IGSF6: variants seen among roughly 807,000 people sequenced by gnomAD.
IGSF6 encodes down-regulated by activation (immunoglobulin superfamily).
In IGSF6, 23 loss-of-function variants were observed where a neutral mutation model predicts 24.7. The ratio of observed to expected loss-of-function variants is 0.93; its 90% CI spans 0.67 to 1.32. The LOEUF (loss-of-function observed/expected upper bound fraction) is 1.32, where lower values mean the gene tolerates loss of function less well. IGSF6 is among the 40% of genes most tolerant of loss of function. IGSF6 has a pLI of 0.00. For synonymous variants in IGSF6, 110 were observed against 113.7 expected (o/e 0.97, Z 0.21); for missense variants, 295 against 293.6 (o/e 1.00, Z -0.04).
Position 21,640,596 on chromosome 16 carries a change from C to CAAAAAA in IGSF6, c.*932_*937dup, listed in dbSNP as rs368761095. On this transcript the variant is annotated 3_prime_UTR_variant, in exon 6 of 6. Coordinates refer to ENST00000268389, the MANE Select transcript of IGSF6 (RefSeq NM_005849.4). ...TGAAACCCCGTCTCTACTAAAAATA[C>CAAAAAA]AAAAAAAAAAAAAAAAAAAAATTAG... 1 of 65,586 alleles carries CAAAAAA rather than the reference C, an allele frequency of 1.5e-5. No individual in the cohort carries two copies. The highest frequency in any genetic ancestry group is 3.3e-5 in the Non-Finnish European group (1 of 30,448). The allele number at this position is 65,586 out of a possible 1,614,324, so 4.1% of individuals were successfully genotyped here.
In IGSF6 at chr16:21,641,414, G is replaced by T. The variant is rs1966264201; in HGVS notation, c.*120C>A. 2.0e-6 allele frequency: 1 copy of T among 490,536 alleles called. No homozygotes were observed. Among genetic ancestry groups the T allele is most frequent in the South Asian group, 4.2e-5 (1 of 23,554 alleles). The allele number at this position is 490,536 out of a possible 1,614,324, so 30.4% of individuals were successfully genotyped here. On this transcript the variant is annotated 3_prime_UTR_variant, in exon 6 of 6. Coordinates refer to ENST00000268389, the MANE Select transcript of IGSF6 (RefSeq NM_005849.4). ...TTACATTCTGACATCCTTCTTTGTA[G>T]CCAGTTGTCTTTTCAGTTTACCTTT...
chr16:21,645,977 C>T (rs1044116285), intron 2 of IGSF6, among the ~76,000 whole-genome samples: 7 of 152,178 alleles, frequency 4.6e-5, no homozygotes, highest in Admixed American at 1.3e-4. Flanking sequence ...TGGATGGTCT[C>T]CCTTCCTCAG....
chr16:21,642,768 A>G (rs941670318), intron 5 of IGSF6, among the ~76,000 whole-genome samples: 2 of 152,228 alleles, frequency 1.3e-5, no homozygotes, highest in Non-Finnish European at 2.9e-5. Flanking sequence ...GATACTGTAC[A>G]GAGTAGCTTT....
intron 1 of IGSF6, among the ~76,000 whole-genome samples, chr16:21,649,196 T>C (rs1966506023): frequency 6.6e-6 from 1 of 152,138 alleles, no homozygotes; most frequent in Non-Finnish European, 1.5e-5. Context: ...TTTCACCTTG[T>C]TACCTAGGCT....
intron 3 of IGSF6, 28 bp downstream of exon 3, chr16:21,644,262 A>G (rs1966359481): frequency 1.4e-6 from 2 of 1,415,200 alleles, no homozygotes; most frequent in East Asian, 2.3e-5. Flanking sequence ...GGATATAGGG[A>G]CATTCCATGC....
rs1486595050 is a variant in IGSF6 at position 21,640,796 on chromosome 16, A to G, written c.*738T>C. The stretch of plus-strand genomic sequence containing the variant: ...AAAAAAAAAAAAGAAAAGAAAAAAA[A>G]TCAGTATTACAAACGTGCTTGTAAA... On this transcript the variant is annotated 3_prime_UTR_variant, in exon 6 of 6. Coordinates refer to ENST00000268389, the MANE Select transcript of IGSF6 (RefSeq NM_005849.4). 1 of 151,690 alleles carries G rather than the reference A, an allele frequency of 6.6e-6. No homozygotes were observed. Among genetic ancestry groups the G allele is most frequent in the African/African-American group, 2.4e-5 (1 of 41,296 alleles). The allele number at this position is 151,690 out of a possible 1,614,324, so 9.4% of individuals were successfully genotyped here.
intron 1 of IGSF6, among the ~76,000 whole-genome samples, chr16:21,650,961 T>C (rs1032842108): frequency 7.9e-5 from 12 of 152,162 alleles, no homozygotes; most frequent in Non-Finnish European, 8.8e-5. Flanking sequence ...TGGTGGCTCA[T>C]GCCTGTAATC....
At chr16:21,648,459 A>G (rs1018790073) in intron 1 of IGSF6, among the ~76,000 whole-genome samples, 1 of 151,074 alleles carries the variant, frequency 6.6e-6, no homozygotes, top group African/African-American at 2.5e-5. Flanking sequence ...CGCCACTGCT[A>G]CTGTTCCCAC....
rs771307678 is a variant in IGSF6 at position 21,641,556 on chromosome 16, A to G, written c.704T>C (p.Leu235Pro). The change falls in exon 6 of 6, where the codon CTT (leucine) becomes CCT (proline). Residue 235 changes from leucine to proline, a missense_variant. By Grantham distance (98) the Leu-to-Pro change is moderately conservative (BLOSUM62 -3). Transcript: ENST00000268389. ...DNNTYENRRV[L>P]SNYERP ...TTTCTATGGCCTTTCATAGTTGGAA[A>G]GTACTCTTCTGTTTTCATAAGTGTT... 1.3e-6 allele frequency: 2 copies of G among 1,591,352 alleles called. No homozygotes were observed. The highest frequency in any genetic ancestry group is 1.7e-6 in the Non-Finnish European group (2 of 1,162,338).
rs189739425 is a variant in IGSF6 at position 21,647,413 on chromosome 16, T to C, written c.147A>G (p.Ile49Met). 240 of 1,614,058 alleles carry C rather than the reference T, an allele frequency of 1.5e-4. No individual in the cohort carries two copies. The East Asian group carries it at 3.7e-3, about 25-fold the overall frequency. The change falls in exon 2 of 6, where the codon ATA (isoleucine) becomes ATG (methionine). Residue 49 changes from isoleucine to methionine, a missense_variant. Physicochemically the swap from Ile to Met is conservative, Grantham distance 10 (BLOSUM62 1). Coordinates refer to ENST00000268389, the MANE Select transcript of IGSF6 (RefSeq NM_005849.4). ...ATCCGGTTGCGGAGAAGGTACACTTTATGGTGACGGCCTCATGAGTGTAGT... is the reference window on the plus strand; with the variant it reads ...ATCCGGTTGCGGAGAAGGTACACTTCATGGTGACGGCCTCATGAGTGTAGT... ...EVDYTHEAVT[I>M]KCTFSATGCP...
chr16:21,642,205 G>A (rs1234998113), intron 5 of IGSF6: 1 of 151,682 alleles, frequency 6.6e-6, no homozygotes, highest in Non-Finnish European at 1.5e-5. Flanking sequence ...TAAAAAAATC[G>A]CCTTATTTCA....
chr16:21,652,381 CAG>C lies in IGSF6; in HGVS notation c.67+149_67+150del. On this transcript the variant is annotated intron_variant, in intron 1 of 5. Transcript: ENST00000268389. Reference sequence around the variant, plus strand: ...AGCTATTTTTTTATTGTCTATTTCTCAGGGGAAAAAGGAAACTTATCCTCTTA... The same window carrying C: ...AGCTATTTTTTTATTGTCTATTTCTCGGGAAAAAGGAAACTTATCCTCTTA... 4 of 523,360 alleles carry C rather than the reference CAG, an allele frequency of 7.6e-6. No individual in the cohort carries two copies. In the South Asian group the frequency reaches 1.1e-4, roughly 15 times the overall value. 32.4% of individuals were successfully genotyped at this position (523,360 alleles called of 1,614,324 possible). A position where few individuals can be genotyped will look rare whatever the true frequency, so the allele number is the denominator to read the frequency against.
Position 21,652,516 on chromosome 16 carries a change from A to C in IGSF6, c.67+16T>G. On this transcript the variant is annotated intron_variant, in intron 1 of 5. Coordinates refer to ENST00000268389, the MANE Select transcript of IGSF6 (RefSeq NM_005849.4). ...GATTTAAATAAAATGAAGGAGGAGAAGAAAAAGAACCTTACCGACACAAAA... is the reference window on the plus strand; with the variant it reads ...GATTTAAATAAAATGAAGGAGGAGACGAAAAAGAACCTTACCGACACAAAA... 1 of 1,598,662 alleles carries C rather than the reference A, an allele frequency of 6.3e-7. No individual in the cohort carries two copies. The highest frequency in any genetic ancestry group is 8.5e-7 in the Non-Finnish European group (1 of 1,170,844).
intron 1 of IGSF6, among the ~76,000 whole-genome samples, chr16:21,651,136 T>C (rs527585701): frequency 3.5e-4 from 54 of 152,206 alleles, no homozygotes; most frequent in African/African-American, 1.3e-3. Context: ...GGCAGGAGAA[T>C]GGCGTGAACC....
chr16:21,644,319 C>T lies in IGSF6; in HGVS notation c.505G>A (p.Val169Met). The stretch of plus-strand genomic sequence containing the variant: ...GAGAGGAGTATGAAGGCCACGCACA[C>T]ACCGGTCACATAGACAGAGAGCAGT... ...VSLLSVYVTGVCVAFILLSKS... is the reference protein window; with the variant it reads ...VSLLSVYVTGMCVAFILLSKS... Residue 169 changes from valine to methionine, a missense_variant, in exon 3 of 6, where the codon GTG becomes ATG. By Grantham distance (21) the Val-to-Met change is conservative. Transcript: ENST00000268389. 2 of 1,613,822 alleles carry T rather than the reference C, an allele frequency of 1.2e-6. No homozygotes were observed. The highest frequency in any genetic ancestry group is 1.1e-5 in the South Asian group (1 of 91,084).
At chr16:21,649,990 A>G (rs938502255) in intron 1 of IGSF6, among the ~76,000 whole-genome samples, 1 of 152,140 alleles carries the variant, frequency 6.6e-6, no homozygotes, top group Non-Finnish European at 1.5e-5. Context: ...TGTTTTTAAA[A>G]GGGAAGCCAA....
chr16:21,644,591 G>A (rs534886233), intron 2 of IGSF6, among the ~76,000 whole-genome samples, 195 bp from the exon 3 acceptor site: 1 of 152,216 alleles, frequency 6.6e-6, no homozygotes, highest in Admixed American at 6.5e-5. Context: ...TTCTTTAAAT[G>A]TGTTAAACCA....
Position 21,640,548 on chromosome 16 carries a change from T to G in IGSF6, c.*986A>C, listed in dbSNP as rs573834898. 23 of 145,888 alleles carry G rather than the reference T, an allele frequency of 1.6e-4. No homozygotes were observed. Among genetic ancestry groups the G allele is most frequent in the Admixed American group, 1.5e-3 (21 of 14,348 alleles). 9.0% of individuals were successfully genotyped at this position (145,888 alleles called of 1,614,324 possible). A position where few individuals can be genotyped will look rare whatever the true frequency, so the allele number is the denominator to read the frequency against. On this transcript the variant is annotated 3_prime_UTR_variant, in exon 6 of 6. Coordinates refer to ENST00000268389, the MANE Select transcript of IGSF6 (RefSeq NM_005849.4). The stretch of plus-strand genomic sequence containing the variant: ...GGCAGATCATCTGAGGTCTTGAGTT[T>G]GAGACCAGCCTGGCCAACATGGTGA...
Position 21,647,102 on chromosome 16 carries a change from G to C in IGSF6, c.427+31C>G, listed in dbSNP as rs760743163. ...TTTACAGGCCTGAACAAGATGCAAT[G>C]ATGCACTGAAATAAAGCCTCGCTGA... On this transcript the variant is annotated intron_variant, in intron 2 of 5. Transcript: ENST00000268389. The C allele has an allele frequency of 1.9e-6, 3 of 1,613,836 alleles. No individual in the cohort carries two copies. The Admixed American group carries it at 5.0e-5, about 27-fold the overall frequency.
Sources: gnomAD v4.1 joint callset for allele counts (sites outside exome capture counted in the v4.1 genomes callset) on GRCh38, gnomAD v4.1.1 for gene constraint, MANE v1.5 for transcripts, NCBI Gene and HGNC (gene_info 2026-07-23, HGNC 2026-07-21) for gene names.